The following TPD52 variants were observed in gnomAD, a reference collection of about 807,000 sequenced individuals.
TPD52 encodes the protein tumor protein D52.
Under a neutral mutation model 31.3 loss-of-function variants are expected in TPD52, and 17 were observed. The ratio of observed to expected loss-of-function variants is 0.54; its 90% CI spans 0.37 to 0.82. The LOEUF (loss-of-function observed/expected upper bound fraction) is 0.82, where lower values mean the gene tolerates loss of function less well. Among genes scored for constraint, TPD52 ranks in the 40% least tolerant of loss-of-function variants. TPD52 has a pLI of 0.00. For synonymous variants in TPD52, 83 were observed against 89.6 expected (o/e 0.93, Z 0.42); for missense variants, 212 against 240.1 (o/e 0.88, Z 0.77).
At chr8:80,072,317 ATGTG>A (rs146024001) in intron 1 of TPD52, among the ~76,000 whole-genome samples, 1,428 of 121,326 alleles carry the variant, frequency 0.012, 77 homozygotes, top group East Asian at 0.041. Context: ...AAAAACATAT[ATGTG>A]TGTGTGTGTG....
At chr8:80,124,622 T>C (rs1295023506) in intron 1 of TPD52, among the ~76,000 whole-genome samples, 1 of 152,242 alleles carries the variant, frequency 6.6e-6, no homozygotes, top group African/African-American at 2.4e-5. Context: ...TTACAATTGA[T>C]AGTGTCTTAA....
chr8:80,053,426 T>A lies in TPD52; in HGVS notation c.140A>T (p.Glu47Val). 6.2e-7 allele frequency: 1 copy of A among 1,613,108 alleles called. No homozygotes were observed. Among genetic ancestry groups the A allele is most frequent in the Non-Finnish European group, 8.5e-7 (1 of 1,179,488 alleles). The change falls in exon 3 of 8, where the codon GAA (glutamate) becomes GTA (valine). Residue 47 changes from glutamate (E) to valine (V), a missense_variant. Transcript: ENST00000518937. ...EELRRELAKV[E>V]EEIQTLSQVL... ...TTGAGACAGAGTCTGGATTTCTTCTTCTACCTATGAGGAAGGGGTTTGGGG... is the reference window on the plus strand; with the variant it reads ...TTGAGACAGAGTCTGGATTTCTTCTACTACCTATGAGGAAGGGGTTTGGGG...
chr8:80,032,169 A>T (rs1166873698), downstream of TPD52, among the ~76,000 whole-genome samples: 1 of 151,874 alleles, frequency 6.6e-6, no homozygotes, highest in East Asian at 1.9e-4. Context: ...AAAAAAAAAA[A>T]AAAAAAATGA....
At position 80,136,467 on chromosome 8, in the gene TPD52, T is replaced by C. The variant is rs1186793350; in HGVS notation, c.19+34958A>G. Among the ~76,000 whole-genome samples, 3 of 131,344 alleles carry C rather than the reference T, an allele frequency of 2.3e-5. No homozygotes were observed. In the South Asian group the frequency reaches 7.0e-4, roughly 31 times the overall value. The allele number at this position is 131,344 out of a possible 152,430, so 86.2% of individuals were successfully genotyped here. On this transcript the variant is annotated intron_variant, in intron 1 of 7. Coordinates refer to ENST00000518937, the MANE Select transcript of TPD52 (RefSeq NM_001025253.3). ...GGAACCCGGGAAGCAGAGCTTGCAG[T>C]GAGCTGAGATCACGCCACTGCACTC...
At chr8:80,042,578 C>T (rs2130399880) in intron 7 of TPD52, 42 bp downstream of exon 7, 2 of 1,571,082 alleles carry the variant, frequency 1.3e-6, no homozygotes, top group Non-Finnish European at 1.7e-6. Context: ...ATTAAGACAC[C>T]AGGCAATGTA....
At chr8:80,107,505 T>C (rs1807217360) in intron 1 of TPD52, among the ~76,000 whole-genome samples, 1 of 152,170 alleles carries the variant, frequency 6.6e-6, no homozygotes, top group African/African-American at 2.4e-5. Context: ...AGAAGGACCT[T>C]TGGACTACTT....
intron 1 of TPD52, among the ~76,000 whole-genome samples, chr8:80,133,804 T>C (rs1809198250): frequency 6.7e-6 from 1 of 150,264 alleles, no homozygotes; most frequent in African/African-American, 2.4e-5. Flanking sequence ...AGAAAAAAAT[T>C]GTTGGCACAT....
At chr8:80,129,584 T>C (rs531693003) in intron 1 of TPD52, among the ~76,000 whole-genome samples, 14 of 152,290 alleles carry the variant, frequency 9.2e-5, no homozygotes, top group Non-Finnish European at 1.9e-4. Context: ...GTTTTATATT[T>C]CCCTGAGAAC....
chr8:80,100,326 T>C (rs1286900237), intron 1 of TPD52, among the ~76,000 whole-genome samples: 1 of 152,188 alleles, frequency 6.6e-6, no homozygotes, highest in Non-Finnish European at 1.5e-5. Flanking sequence ...TTTCTTACTC[T>C]TAAACAAAAA....
At chr8:80,051,371 A>G (rs1811369054) in intron 4 of TPD52, 156 bp downstream of exon 4, 2 of 636,776 alleles carry the variant, frequency 3.1e-6, no homozygotes, top group Non-Finnish European at 5.5e-6. Flanking sequence ...AAGACCTTAG[A>G]TGAGCCTTCC....
chr8:80,091,583 G>A (rs1415927401), intron 1 of TPD52, among the ~76,000 whole-genome samples: 1 of 152,206 alleles, frequency 6.6e-6, no homozygotes, highest in Non-Finnish European at 1.5e-5. Flanking sequence ...AGTGGAAAGA[G>A]AGCTTGATAT....
intron 1 of TPD52, chr8:80,122,825 GGAA>G (rs1782298185): frequency 1.3e-5 from 2 of 152,292 alleles, no homozygotes; most frequent in Admixed American, 6.5e-5. Context: ...GTACACAGAG[GGAA>G]GAAGGTGTTC....
intron 1 of TPD52, chr8:80,080,189 T>TTC: frequency 1.4e-6 from 1 of 713,066 alleles, no homozygotes. Context: ...GAATAGCTTA[T>TTC]TAGCTAGTTA....
At chr8:80,097,406 C>T (rs1358927742) in intron 1 of TPD52, among the ~76,000 whole-genome samples, 1 of 152,170 alleles carries the variant, frequency 6.6e-6, no homozygotes, top group Non-Finnish European at 1.5e-5. Context: ...ATCTGTGTTC[C>T]CATCCAAATC....
At chr8:80,133,649 C>T (rs758668679) in intron 1 of TPD52, among the ~76,000 whole-genome samples, 113 of 151,966 alleles carry the variant, frequency 7.4e-4, no homozygotes, top group Non-Finnish European at 6.5e-4. Context: ...CCATTCCTCC[C>T]ACCACTGGAC....
chr8:80,046,817 A>G (rs1039977277), intron 5 of TPD52, among the ~76,000 whole-genome samples: 10 of 152,166 alleles, frequency 6.6e-5, no homozygotes, highest in African/African-American at 2.4e-4. Context: ...ACTTTGAAAA[A>G]GTCATTTTTT....
At position 80,064,519 on chromosome 8, in the gene TPD52, A is replaced by C; in HGVS notation, c.94T>G (p.Ser32Ala). The C allele has an allele frequency of 6.2e-7, 1 of 1,614,152 alleles. No homozygotes were observed. Among genetic ancestry groups the C allele is most frequent in the Non-Finnish European group, 8.5e-7 (1 of 1,180,010 alleles). The change falls in exon 2 of 8, where the codon TCG becomes GCG. Residue 32 changes from serine (S) to alanine (A), a missense_variant. Coordinates refer to ENST00000518937, the MANE Select transcript of TPD52 (RefSeq NM_001025253.3). ...AATISATETL[S>A]EEEQEELRRE... The stretch of plus-strand genomic sequence containing the variant: ...CTTAGCTCTTCCTGCTCCTCTTCCG[A>C]GAGGGTCTCTGTGGCACTGATCGTG...
chr8:80,072,798 C>CACATATATATATAT (rs977939775), intron 1 of TPD52, among the ~76,000 whole-genome samples: 16 of 141,084 alleles, frequency 1.1e-4, no homozygotes, highest in South Asian at 8.5e-4. Context: ...CACACACACA[C>CACATATATATATAT]ATATATATAT....
At chr8:80,171,326 T>C in intron 1 of TPD52, 99 bp downstream of exon 1, 1 of 1,506,804 alleles carries the variant, frequency 6.6e-7, no homozygotes, top group Non-Finnish European at 9.0e-7. Flanking sequence ...CGGCACCTGC[T>C]CGAGCCGCCG....
Sources: allele counts gnomAD v4.1 joint callset (sites outside exome capture counted in the v4.1 genomes callset), GRCh38; gene constraint gnomAD v4.1.1; transcripts MANE v1.5; gene names NCBI Gene and HGNC (gene_info 2026-07-23, HGNC 2026-07-21).